Variants in SYN3 observed in about 807,000 individuals in gnomAD.
The protein encoded by SYN3 is synapsin III.
In SYN3, 35 loss-of-function variants were observed where a neutral mutation model predicts 65.8. That is an observed-to-expected ratio of 0.53 (90% CI 0.41 to 0.70). The LOEUF (loss-of-function observed/expected upper bound fraction) is 0.70. Ranked by LOEUF, SYN3 falls within the 30% of genes least tolerant of loss-of-function variation. The probability of loss-of-function intolerance (pLI) is 0.00; values close to 1 mark genes in which losing one functional copy is unlikely to be tolerated. For missense variants in SYN3, 680 were observed against 749.0 expected, an observed-to-expected ratio of 0.91 and a Z score of 1.08; for synonymous variants, 270 against 292.9, an observed-to-expected ratio of 0.92 and a Z score of 0.80.
chr22:32,873,206 C>A (rs1425299238), intron 4 of SYN3, among the ~76,000 whole-genome samples: 1 of 140,902 alleles, frequency 7.1e-6, no homozygotes, highest in East Asian at 2.1e-4. Flanking sequence ...CCACCTTGGC[C>A]TCCCAAAGTG....
intron 4 of SYN3, 52 bp from the exon 5 acceptor site, chr22:32,869,177 G>A: frequency 6.3e-6 from 10 of 1,582,600 alleles, no homozygotes; most frequent in Non-Finnish European, 8.6e-6. Context: ...TGAAACACCA[G>A]GGCATCCGGC....
chr22:32,673,814 A>T (rs2060404378), intron 6 of SYN3, among the ~76,000 whole-genome samples: 1 of 152,184 alleles, frequency 6.6e-6, no homozygotes, highest in Admixed American at 6.5e-5. Flanking sequence ...AGTTTCCCCA[A>T]ATGAGGTGAT....
intron 6 of SYN3, chr22:32,802,205 TC>T: frequency 6.6e-7 from 1 of 1,507,632 alleles, no homozygotes; most frequent in South Asian, 1.2e-5. Flanking sequence ...CGAGCCCCAC[TC>T]CTTTCCTCTG....
chr22:32,760,128 G>A (rs1174616180), intron 6 of SYN3, among the ~76,000 whole-genome samples: 1 of 117,996 alleles, frequency 8.5e-6, no homozygotes, highest in Non-Finnish European at 1.7e-5. Context: ...CCAGCAGCCA[G>A]CACCCATGCA....
At chr22:32,999,139 C>T (rs78921807) in intron 2 of SYN3, among the ~76,000 whole-genome samples, 1 of 152,086 alleles carries the variant, frequency 6.6e-6, no homozygotes, top group Non-Finnish European at 1.5e-5. Flanking sequence ...GTGGTATGTG[C>T]GCCTGCATGA....
chr22:32,863,384 C>T (rs2048601403), intron 6 of SYN3, among the ~76,000 whole-genome samples: 1 of 152,220 alleles, frequency 6.6e-6, no homozygotes, highest in Non-Finnish European at 1.5e-5. Context: ...CCTAAGAATC[C>T]CAACCTGGTG....
intron 1 of SYN3, among the ~76,000 whole-genome samples, chr22:33,019,633 G>C (rs764570939): frequency 6.6e-6 from 1 of 152,138 alleles, no homozygotes; most frequent in Non-Finnish European, 1.5e-5. Flanking sequence ...TATTACAGTT[G>C]ATTTTCTTGT....
intron 6 of SYN3, among the ~76,000 whole-genome samples, chr22:32,705,677 C>T (rs1234081108): frequency 6.6e-6 from 1 of 152,210 alleles, no homozygotes; most frequent in Non-Finnish European, 1.5e-5. Context: ...TTGATTCTTC[C>T]AATCCATGAG....
chr22:32,824,557 G>A (rs1012639664), intron 6 of SYN3, among the ~76,000 whole-genome samples: 32 of 152,070 alleles, frequency 2.1e-4, no homozygotes, highest in African/African-American at 7.5e-4. Context: ...GTGTATATAT[G>A]TATATATTTT....
chr22:32,569,135 G>T (rs372507349), intron 7 of SYN3, among the ~76,000 whole-genome samples: 2 of 151,958 alleles, frequency 1.3e-5, no homozygotes, highest in East Asian at 3.9e-4. Flanking sequence ...GTCTTTCTGG[G>T]GTTCAATTTC....
At chr22:32,591,604 G>A (rs2059128602) in intron 7 of SYN3, among the ~76,000 whole-genome samples, 1 of 152,172 alleles carries the variant, frequency 6.6e-6, no homozygotes, top group African/African-American at 2.4e-5. Context: ...TTTGAAACAT[G>A]TTGAACTCTA....
intron 6 of SYN3, among the ~76,000 whole-genome samples, chr22:32,628,588 G>A (rs895746312): frequency 2.0e-5 from 3 of 152,070 alleles, no homozygotes; most frequent in African/African-American, 7.2e-5. Flanking sequence ...GAGGTTAAAA[G>A]TCATTTAAAT....
intron 1 of SYN3, among the ~76,000 whole-genome samples, chr22:33,031,566 T>G (rs2053756034): frequency 6.6e-6 from 1 of 151,980 alleles, no homozygotes; most frequent in Non-Finnish European, 1.5e-5. Context: ...AGCTGCCCCC[T>G]TCTAATCCTT....
intron 4 of SYN3, among the ~76,000 whole-genome samples, chr22:32,874,322 T>C (rs2048927825): frequency 6.6e-6 from 1 of 152,144 alleles, no homozygotes; most frequent in Non-Finnish European, 1.5e-5. Flanking sequence ...TATTTCACCT[T>C]TAACCGTAAT....
chr22:32,612,801 T>C (rs1339496108), intron 6 of SYN3, among the ~76,000 whole-genome samples: 1 of 152,164 alleles, frequency 6.6e-6, no homozygotes, highest in African/African-American at 2.4e-5. Flanking sequence ...GCTGCACCAC[T>C]GAACTCCAGC....
At chr22:33,040,601 C>A (rs1034499814) in intron 1 of SYN3, among the ~76,000 whole-genome samples, 3 of 152,140 alleles carry the variant, frequency 2.0e-5, no homozygotes, top group African/African-American at 7.2e-5. Flanking sequence ...GTGTCCCCAC[C>A]CAAATCTCAT....
chr22:32,573,966 C>T (rs1374861408), intron 7 of SYN3, among the ~76,000 whole-genome samples: 2 of 148,560 alleles, frequency 1.3e-5, no homozygotes, highest in African/African-American at 2.5e-5. Flanking sequence ...TTAGTAGAGA[C>T]GGGGTTTCAC....
intron 6 of SYN3, among the ~76,000 whole-genome samples, chr22:32,715,448 T>C (rs946477444): frequency 6.6e-6 from 1 of 152,216 alleles, no homozygotes; most frequent in Admixed American, 6.5e-5. Context: ...TAAATATTTG[T>C]TCGTTTCTAA....
At chr22:32,875,247 G>A (rs1211562394) in intron 4 of SYN3, among the ~76,000 whole-genome samples, 1 of 152,220 alleles carries the variant, frequency 6.6e-6, no homozygotes, top group Non-Finnish European at 1.5e-5. Flanking sequence ...GGGCCCGGTG[G>A]GGTTTACAGA....
Sources: gnomAD v4.1 joint callset for allele counts (sites outside exome capture counted in the v4.1 genomes callset) on GRCh38, gnomAD v4.1.1 for gene constraint, MANE v1.5 for transcripts, NCBI Gene and HGNC (gene_info 2026-07-23, HGNC 2026-07-21) for gene names.